Variants in ZMYND11 observed in about 807,000 individuals in gnomAD.
The protein encoded by ZMYND11 is zinc finger MYND domain-containing protein 11.
A neutral mutation model predicts 84.9 loss-of-function variants in ZMYND11; 9 were observed. The observed-to-expected ratio is 0.11, with a 90% confidence interval of 0.06 to 0.18. The LOEUF is 0.18. Among genes scored for constraint, ZMYND11 ranks in the 10% least tolerant of loss-of-function variants. The pLI is 1.00. For missense variants in ZMYND11, 409 were observed against 761.0 expected, an observed-to-expected ratio of 0.54 and a Z score of 5.44; for synonymous variants, 250 against 244.1, an observed-to-expected ratio of 1.02 and a Z score of -0.23.
intron 13 of ZMYND11, 127 bp from the exon 14 acceptor site, chr10:248,776 A>AT: frequency 7.1e-7 from 1 of 1,411,216 alleles, no homozygotes; most frequent in Non-Finnish European, 9.4e-7. Context: ...CCTCACCTAA[A>AT]TTTTTTACAC....
Position 180,165 on chromosome 10 carries a change from T to C in ZMYND11, c.116+37T>C. ...TAAACACAAATATCTCTGTAAAATGTCGTAGAAGACTTTGGGGGAAAGGCC... is the reference window on the plus strand; with the variant it reads ...TAAACACAAATATCTCTGTAAAATGCCGTAGAAGACTTTGGGGGAAAGGCC... On this transcript the variant is annotated intron_variant, in intron 2 of 14. Transcript: ENST00000381604. 1.9e-6 allele frequency: 3 copies of C among 1,562,700 alleles called. No individual in the cohort carries two copies. In the East Asian group the frequency reaches 6.8e-5, roughly 35 times the overall value.
At chr10:203,585 C>G (rs889764118) in intron 2 of ZMYND11, among the ~76,000 whole-genome samples, 2 of 152,042 alleles carry the variant, frequency 1.3e-5, no homozygotes, top group Non-Finnish European at 2.9e-5. Context: ...CCAAGAAGAG[C>G]CACAATGAGT....
intron 1 of ZMYND11, among the ~76,000 whole-genome samples, chr10:158,815 G>C (rs1387509287): frequency 6.6e-6 from 1 of 151,828 alleles, no homozygotes; most frequent in Non-Finnish European, 1.5e-5. Flanking sequence ...CTAATGTTAA[G>C]CATCTTTTTA....
chr10:137,067 A>T (rs1836277292), intron 1 of ZMYND11, among the ~76,000 whole-genome samples: 1 of 152,070 alleles, frequency 6.6e-6, no homozygotes, highest in African/African-American at 2.4e-5. Context: ...ACCCAATGTC[A>T]TATGCCATGC....
chr10:174,188 A>G (rs1050579540), intron 1 of ZMYND11, among the ~76,000 whole-genome samples: 16 of 152,238 alleles, frequency 1.1e-4, no homozygotes, highest in African/African-American at 3.1e-4. Flanking sequence ...ACTGTGTTAT[A>G]TGCAGCCAGT....
intron 2 of ZMYND11, among the ~76,000 whole-genome samples, chr10:183,740 T>G (rs1848359657): frequency 6.6e-6 from 1 of 152,222 alleles, no homozygotes; most frequent in Non-Finnish European, 1.5e-5. Flanking sequence ...TAATTACATT[T>G]CATATATTTC....
chr10:240,004 G>A, intron 7 of ZMYND11, 52 bp from the exon 8 acceptor site: 1 of 1,473,990 alleles, frequency 6.8e-7, no homozygotes, highest in Non-Finnish European at 9.3e-7. Flanking sequence ...GTAACTTTGA[G>A]TCTTGTATTT....
In ZMYND11 at chr10:242,151, T is replaced by C. The variant is rs780871042; in HGVS notation, c.950+12T>C. ...CACCACCACCAGAGGTAATTTGTGA[T>C]CCCATGTTCAGCGGTCACAGCTGTG... On this transcript the variant is annotated intron_variant, in intron 10 of 14. Transcript: ENST00000381604. 4 of 1,613,738 alleles carry C rather than the reference T, an allele frequency of 2.5e-6. No homozygotes were observed. The highest frequency in any genetic ancestry group is 3.3e-5 in the Admixed American group (2 of 59,980).
intron 3 of ZMYND11, among the ~76,000 whole-genome samples, chr10:212,184 T>C (rs1039513144): frequency 6.6e-6 from 1 of 152,178 alleles, no homozygotes; most frequent in Non-Finnish European, 1.5e-5. Flanking sequence ...TTGAAGTTTT[T>C]TTGTTTAGTT....
intron 10 of ZMYND11, among the ~76,000 whole-genome samples, chr10:242,891 G>T (rs994770465): frequency 6.6e-6 from 1 of 152,096 alleles, no homozygotes; most frequent in East Asian, 1.9e-4. Flanking sequence ...AGGTAGTTCT[G>T]TTCTTTCATA....
At chr10:154,487 G>GGC (rs1841218663) in intron 1 of ZMYND11, among the ~76,000 whole-genome samples, 1 of 152,174 alleles carries the variant, frequency 6.6e-6, no homozygotes, top group Non-Finnish European at 1.5e-5. Context: ...GAAACAAGAA[G>GGC]GCAGAGCATG....
chr10:136,525 A>T (rs564214728), intron 1 of ZMYND11, among the ~76,000 whole-genome samples: 1 of 151,978 alleles, frequency 6.6e-6, no homozygotes, highest in African/African-American at 2.4e-5. Flanking sequence ...GTGTACATGT[A>T]TCTTCCTCGC....
At chr10:210,781 C>T (rs1945083572) in intron 3 of ZMYND11, among the ~76,000 whole-genome samples, 2 of 152,122 alleles carry the variant, frequency 1.3e-5, no homozygotes, top group Admixed American at 1.3e-4. Context: ...TATCTTCCTA[C>T]CTTATTTTAT....
intron 13 of ZMYND11, 83 bp from the exon 14 acceptor site, chr10:248,820 A>G (rs1186699474): frequency 1.2e-5 from 18 of 1,498,010 alleles, no homozygotes; most frequent in Non-Finnish European, 1.5e-5. Flanking sequence ...ACCTCATGCA[A>G]GTTGTGTTAA....
intron 2 of ZMYND11, among the ~76,000 whole-genome samples, chr10:201,567 G>A (rs756231246): frequency 8.1e-5 from 7 of 86,010 alleles, no homozygotes; most frequent in Non-Finnish European, 1.7e-4. Flanking sequence ...TAAATAATCA[G>A]TGGCTGTTAC....
At chr10:174,245 A>T (rs1036339789) in intron 1 of ZMYND11, among the ~76,000 whole-genome samples, 5 of 152,184 alleles carry the variant, frequency 3.3e-5, no homozygotes, top group African/African-American at 1.2e-4. Flanking sequence ...ATGCCATAAA[A>T]AGCTATGGAG....
intron 4 of ZMYND11, among the ~76,000 whole-genome samples, chr10:232,074 C>G (rs540772818): frequency 2.0e-5 from 3 of 152,210 alleles, no homozygotes; most frequent in Non-Finnish European, 4.4e-5. Flanking sequence ...AGAATTGGAT[C>G]AGAAATAATC....
Position 224,492 on chromosome 10 carries a change from CACTTTT to C in ZMYND11, c.438+3140_438+3145del, listed in dbSNP as rs1947738315. On this transcript the variant is annotated intron_variant, in intron 4 of 14. Transcript: ENST00000381604. ...AAGATTTAAATACTGTCCAGTTTCACACTTTTACTGAGATCTCTCTCATTAAATTTT... is the reference window on the plus strand; with the variant it reads ...AAGATTTAAATACTGTCCAGTTTCACACTGAGATCTCTCTCATTAAATTTT... Among the ~76,000 whole-genome samples the C allele has an allele frequency of 2.6e-5, 4 of 152,180 alleles. No homozygotes were observed. The South Asian group carries it at 8.3e-4, about 32-fold the overall frequency.
At chr10:183,120 T>TA (rs1278806531) in intron 2 of ZMYND11, among the ~76,000 whole-genome samples, 4 of 152,200 alleles carry the variant, frequency 2.6e-5, no homozygotes, top group Non-Finnish European at 5.9e-5. Flanking sequence ...GACTGGCTCT[T>TA]AGCCTGGTAC....
Sources: gnomAD v4.1 joint callset for allele counts (sites outside exome capture counted in the v4.1 genomes callset) on GRCh38, gnomAD v4.1.1 for gene constraint, MANE v1.5 for transcripts, NCBI Gene and HGNC (gene_info 2026-07-23, HGNC 2026-07-21) for gene names.